PRKG1: variants seen among roughly 807,000 people sequenced by gnomAD.
PRKG1 encodes the protein protein kinase cGMP-dependent 1, also known as cGMP-dependent protein kinase 1.
Under a neutral mutation model 88.1 loss-of-function variants are expected in PRKG1, and 35 were observed. The observed-to-expected ratio is 0.40, with a 90% CI of 0.30 to 0.53. The LOEUF (loss-of-function observed/expected upper bound fraction) is 0.53, where lower values mean the gene tolerates loss of function less well. Among genes scored for constraint, PRKG1 ranks in the 20% least tolerant of loss-of-function variants. PRKG1 has a pLI of 0.59. For synonymous variants in PRKG1, 303 were observed against 292.5 expected (o/e 1.04, Z -0.37); for missense variants, 540 against 839.8 (o/e 0.64, Z 4.41).
At chr10:51,486,656 G>A (rs1840550252) in intron 3 of PRKG1, among the ~76,000 whole-genome samples, 1 of 152,034 alleles carries the variant, frequency 6.6e-6, no homozygotes, top group Non-Finnish European at 1.5e-5. Flanking sequence ...TACTATTTGA[G>A]TTTCTCATTT....
At chr10:51,581,059 C>T (rs1328015768) in intron 3 of PRKG1, among the ~76,000 whole-genome samples, 1 of 152,000 alleles carries the variant, frequency 6.6e-6, no homozygotes, top group African/African-American at 2.4e-5. Context: ...ACTGGATATA[C>T]CAGCATTTAT....
At chr10:51,940,943 G>A (rs1396076001) in intron 5 of PRKG1, among the ~76,000 whole-genome samples, 1 of 151,848 alleles carries the variant, frequency 6.6e-6, no homozygotes, top group East Asian at 1.9e-4. Context: ...ATCCAAGTTT[G>A]GGGAACACAA....
intron 4 of PRKG1, among the ~76,000 whole-genome samples, chr10:51,883,190 C>T (rs1003625543): frequency 6.6e-6 from 1 of 152,210 alleles, no homozygotes; most frequent in Non-Finnish European, 1.5e-5. Flanking sequence ...AGGATTTGAA[C>T]TACAACTTAT....
chr10:51,306,473 G>A (rs1214201170), intron 2 of PRKG1: 2 of 152,028 alleles, frequency 1.3e-5, no homozygotes, highest in Non-Finnish European at 2.9e-5. Context: ...TTCCATAGTT[G>A]ATATGTGTAT....
chr10:51,222,273 CAA>C (rs1838563555), intron 2 of PRKG1, among the ~76,000 whole-genome samples: 1 of 152,074 alleles, frequency 6.6e-6, no homozygotes, highest in Non-Finnish European at 1.5e-5. Context: ...ACTCTAAGAC[CAA>C]AGTTACTTCA....
chr10:51,540,760 C>G (rs1842279983), intron 3 of PRKG1, among the ~76,000 whole-genome samples: 1 of 152,080 alleles, frequency 6.6e-6, no homozygotes, highest in Admixed American at 6.6e-5. Context: ...TGCTCTGTCA[C>G]CCAGGCTGGA....
chr10:51,935,103 C>A (rs1242067228), intron 5 of PRKG1, among the ~76,000 whole-genome samples: 1 of 152,086 alleles, frequency 6.6e-6, no homozygotes, highest in African/African-American at 2.4e-5. Context: ...CATGGGGTAG[C>A]TTGGCTATAG....
intron 2 of PRKG1, among the ~76,000 whole-genome samples, chr10:51,285,757 G>A (rs948749151): frequency 5.3e-5 from 8 of 152,188 alleles, no homozygotes; most frequent in African/African-American, 7.2e-5. Flanking sequence ...AATAGTGGGA[G>A]ATGAAAGGGC....
At chr10:51,315,571 G>A (rs1327286567) in intron 2 of PRKG1, among the ~76,000 whole-genome samples, 2 of 152,110 alleles carry the variant, frequency 1.3e-5, no homozygotes, top group Non-Finnish European at 2.9e-5. Flanking sequence ...ATTTGGCCGA[G>A]GCACTGACTA....
At chr10:51,686,089 A>G (rs1274245021) in intron 3 of PRKG1, among the ~76,000 whole-genome samples, 1 of 151,920 alleles carries the variant, frequency 6.6e-6, no homozygotes, top group African/African-American at 2.4e-5. Context: ...TTTTTCCTCT[A>G]CCCGGAATAA....
At chr10:51,182,276 G>A (rs1036727537) in intron 2 of PRKG1, among the ~76,000 whole-genome samples, 3 of 152,184 alleles carry the variant, frequency 2.0e-5, no homozygotes, top group African/African-American at 7.2e-5. Flanking sequence ...TCTAAAGCCA[G>A]AGTTCTTTTT....
chr10:51,483,940 A>G (rs1840446675), intron 3 of PRKG1, among the ~76,000 whole-genome samples: 1 of 152,206 alleles, frequency 6.6e-6, no homozygotes, highest in African/African-American at 2.4e-5. Context: ...AAAACTAATA[A>G]TCTAAGCAAA....
chr10:52,170,224 G>A (rs933790075), intron 9 of PRKG1, among the ~76,000 whole-genome samples: 2 of 152,040 alleles, frequency 1.3e-5, no homozygotes, highest in African/African-American at 4.8e-5. Flanking sequence ...AAGAAAGAAG[G>A]CCCAAATTTG....
intron 3 of PRKG1, among the ~76,000 whole-genome samples, chr10:51,657,592 AT>A (rs1412972823): frequency 6.6e-6 from 1 of 152,134 alleles, no homozygotes; most frequent in Non-Finnish European, 1.5e-5. Flanking sequence ...AGCATTCTTT[AT>A]TTTGTGGTCA....
intron 4 of PRKG1, among the ~76,000 whole-genome samples, chr10:51,819,995 T>C (rs553384797): frequency 4.6e-5 from 7 of 152,144 alleles, no homozygotes; most frequent in Non-Finnish European, 8.8e-5. Context: ...ATAGCTTTTT[T>C]AAAAAAGATT....
At chr10:52,172,038 A>G (rs1838708838) in intron 9 of PRKG1, among the ~76,000 whole-genome samples, 1 of 150,910 alleles carries the variant, frequency 6.6e-6, no homozygotes, top group African/African-American at 2.4e-5. Context: ...TCCTGACCTC[A>G]TGATCCACCC....
At chr10:51,706,731 C>T (rs1357904568) in intron 3 of PRKG1, among the ~76,000 whole-genome samples, 1 of 152,110 alleles carries the variant, frequency 6.6e-6, no homozygotes, top group Non-Finnish European at 1.5e-5. Context: ...CTTAGATTGG[C>T]TACCTAGTTC....
intron 2 of PRKG1, among the ~76,000 whole-genome samples, chr10:51,177,232 C>A (rs113610240): frequency 0.017 from 2,583 of 152,152 alleles, 40 homozygotes; most frequent in Middle Eastern, 0.051. Flanking sequence ...ATCATACTTA[C>A]CATTTGATAT....
At chr10:52,119,922 G>A (rs1847776383) in intron 7 of PRKG1, among the ~76,000 whole-genome samples, 1 of 149,522 alleles carries the variant, frequency 6.7e-6, no homozygotes, top group Admixed American at 6.8e-5. Context: ...AGAAAGAGAG[G>A]GAAAGAGCGA....
Sources: allele counts gnomAD v4.1 joint callset (sites outside exome capture counted in the v4.1 genomes callset), GRCh38; gene constraint gnomAD v4.1.1; transcripts MANE v1.5; gene names NCBI Gene and HGNC (gene_info 2026-07-23, HGNC 2026-07-21).